Variants in CCDC158 observed in about 807,000 individuals in gnomAD.
The protein encoded by CCDC158 is coiled-coil domain-containing protein 158.
In CCDC158, 116 loss-of-function variants were observed where a neutral mutation model predicts 138.6. That is an observed-to-expected ratio of 0.84 (90% confidence interval 0.72 to 0.98). The LOEUF (loss-of-function observed/expected upper bound fraction) is 0.98, where lower values mean the gene tolerates loss of function less well. Among genes scored for constraint, CCDC158 ranks in the 50% least tolerant of loss-of-function variants. The pLI is 0.00. For missense variants in CCDC158, 1,265 were observed against 1,306.1 expected (o/e 0.97, Z 0.48); for synonymous variants, 436 against 442.4 (o/e 0.99, Z 0.18).
chr4:76,419,546 A>G (rs1441603008), intron 1 of CCDC158, among the ~76,000 whole-genome samples: 1 of 152,166 alleles, frequency 6.6e-6, no homozygotes, highest in Non-Finnish European at 1.5e-5. Context: ...GCTCTGCAAG[A>G]GAATCAGTTC....
Position 76,369,438 on chromosome 4 carries a change from C to T in CCDC158, c.1335G>A (p.Gln445=), listed in dbSNP as rs1173736693. ...LKALKSECQG[Q]MERQMAAIQG... Reference sequence around the variant, plus strand: ...TGCAGGCACTGACCTGCCGCTCCATCTGGCCCTGACACTCGCTCTTCAAGG... The same window carrying T: ...TGCAGGCACTGACCTGCCGCTCCATTTGGCCCTGACACTCGCTCTTCAAGG... Residue 445 remains glutamine, a synonymous_variant, in exon 11 of 25, where the codon CAG becomes CAA. Coordinates refer to ENST00000682701, the MANE Select transcript of CCDC158 (RefSeq NM_001394954.1). 5 of 1,614,016 alleles carry T rather than the reference C, an allele frequency of 3.1e-6. No homozygotes were observed. In the Admixed American group the frequency reaches 8.3e-5, roughly 27 times the overall value.
chr4:76,401,019 TA>T (rs993901335), intron 3 of CCDC158, among the ~76,000 whole-genome samples: 2 of 151,974 alleles, frequency 1.3e-5, no homozygotes, highest in East Asian at 1.9e-4. Flanking sequence ...TGGGGAGCTT[TA>T]AAAAAAACCC....
chr4:76,321,766 A>G (rs1253918721), intron 24 of CCDC158, among the ~76,000 whole-genome samples: 1 of 146,052 alleles, frequency 6.8e-6, no homozygotes, highest in Non-Finnish European at 1.5e-5. Flanking sequence ...TATATTTTTT[A>G]TATATATATA....
At chr4:76,341,554 T>C (rs1432350176) in intron 18 of CCDC158, among the ~76,000 whole-genome samples, 3 of 152,212 alleles carry the variant, frequency 2.0e-5, no homozygotes, top group Non-Finnish European at 2.9e-5. Flanking sequence ...TAACAAATTG[T>C]AGTGCATAGG....
intron 2 of CCDC158, among the ~76,000 whole-genome samples, chr4:76,404,888 A>G (rs1423876890): frequency 6.6e-6 from 1 of 152,090 alleles, no homozygotes; most frequent in Non-Finnish European, 1.5e-5. Context: ...AAGACAAAAA[A>G]AAGGAGTGAG....
At chr4:76,406,795 G>A (rs1728862900) in intron 2 of CCDC158, among the ~76,000 whole-genome samples, 1 of 151,996 alleles carries the variant, frequency 6.6e-6, no homozygotes, top group South Asian at 2.1e-4. Flanking sequence ...AATGAAAATA[G>A]TACATATCAA....
intron 24 of CCDC158, among the ~76,000 whole-genome samples, chr4:76,315,985 T>C (rs1719350223): frequency 6.6e-6 from 1 of 152,142 alleles, no homozygotes; most frequent in African/African-American, 2.4e-5. Context: ...TCCGGGCTTT[T>C]CCACTGAAAT....
intron 10 of CCDC158, among the ~76,000 whole-genome samples, chr4:76,370,148 C>G (rs1015991781): frequency 6.6e-6 from 1 of 151,800 alleles, no homozygotes; most frequent in African/African-American, 2.4e-5. Flanking sequence ...TCTAGTCAGA[C>G]TAGTAAAAAC....
At chr4:76,395,549 G>T (rs1431157618) in intron 4 of CCDC158, among the ~76,000 whole-genome samples, 1 of 152,182 alleles carries the variant, frequency 6.6e-6, no homozygotes, top group African/African-American at 2.4e-5. Context: ...ATAAGAGTTT[G>T]CCAGGCAGAC....
intron 2 of CCDC158, among the ~76,000 whole-genome samples, chr4:76,409,539 A>G (rs1045342844): frequency 2.0e-5 from 3 of 152,202 alleles, no homozygotes; most frequent in Non-Finnish European, 4.4e-5. Context: ...ATTTTTAAAA[A>G]GTAGTATCTA....
chr4:76,367,665 T>C lies in CCDC158; in HGVS notation c.1459A>G (p.Lys487Glu). ...TCTGAGCTCTCCAGAGTCATTTTCT[T>C]GGCTGTCAACTCTTCTACTACTTTG... is the stretch of plus-strand genomic sequence containing the variant. ...LRKVVEELTA[K>E]KMTLESSERT... Residue 487 changes from lysine (K) to glutamate (E), a missense_variant, in exon 12 of 25, where the codon AAG becomes GAG. By Grantham distance (56) the Lys-to-Glu change is moderately conservative. Coordinates refer to ENST00000682701, the MANE Select transcript of CCDC158 (RefSeq NM_001394954.1). 6.2e-7 allele frequency: 1 copy of C among 1,614,220 alleles called. No individual in the cohort carries two copies. The highest frequency in any genetic ancestry group is 8.5e-7 in the Non-Finnish European group (1 of 1,180,038).
intron 14 of CCDC158, 50 bp from the exon 15 acceptor site, chr4:76,355,486 G>T (rs377522040): frequency 1.7e-6 from 2 of 1,177,816 alleles, no homozygotes; most frequent in Admixed American, 3.4e-5. Flanking sequence ...AAGTTTGAGA[G>T]ACTATGGTAA....
At chr4:76,330,597 G>GA (rs35650508) in intron 21 of CCDC158, among the ~76,000 whole-genome samples, 1 of 151,672 alleles carries the variant, frequency 6.6e-6, no homozygotes, top group East Asian at 1.9e-4. Flanking sequence ...AATACTTGGG[G>GA]AAAAAAAAGA....
intron 18 of CCDC158, among the ~76,000 whole-genome samples, chr4:76,348,084 C>T (rs1268597314): frequency 6.6e-6 from 1 of 151,906 alleles, no homozygotes; most frequent in East Asian, 1.9e-4. Flanking sequence ...TCTATGTGTC[C>T]TCACATGGGA....
At chr4:76,345,279 A>G in intron 18 of CCDC158, 2 of 965,292 alleles carry the variant, frequency 2.1e-6, no homozygotes, top group Non-Finnish European at 1.7e-6. Flanking sequence ...CATGCTCAAC[A>G]TCGAAGCTGC....
chr4:76,398,003 C>A (rs1159251761), intron 3 of CCDC158, among the ~76,000 whole-genome samples: 2 of 151,954 alleles, frequency 1.3e-5, no homozygotes, highest in African/African-American at 2.4e-5. Flanking sequence ...GACACAGGAG[C>A]CAGTTTAAGG....
chr4:76,395,732 G>A (rs1289237182), intron 4 of CCDC158, among the ~76,000 whole-genome samples: 2 of 152,208 alleles, frequency 1.3e-5, no homozygotes, highest in Non-Finnish European at 2.9e-5. Context: ...AGCTTTGTAT[G>A]TGGCAGTAAT....
chr4:76,363,712 G>C (rs1292949258), intron 12 of CCDC158, among the ~76,000 whole-genome samples: 2 of 152,102 alleles, frequency 1.3e-5, no homozygotes, highest in African/African-American at 4.8e-5. Flanking sequence ...AGTCAGAGAG[G>C]GGCCAAGGGA....
At chr4:76,416,488 T>C (rs1193312683) in intron 1 of CCDC158, among the ~76,000 whole-genome samples, 1 of 152,140 alleles carries the variant, frequency 6.6e-6, no homozygotes, top group African/African-American at 2.4e-5. Context: ...GGAAAATGTC[T>C]CCAGGCCATG....
Sources: allele counts gnomAD v4.1 joint callset (sites outside exome capture counted in the v4.1 genomes callset), GRCh38; gene constraint gnomAD v4.1.1; transcripts MANE v1.5; gene names NCBI Gene and HGNC (gene_info 2026-07-23, HGNC 2026-07-21).